Variants in CLMP observed in about 807,000 individuals in gnomAD.
CLMP encodes the protein CXADR like cell adhesion molecule, also known as CXADR-like membrane protein.
CLMP carries 27 observed loss-of-function variants against 45.2 expected under a neutral mutation model. The observed-to-expected ratio is 0.60, with a 90% CI of 0.44 to 0.82. CLMP has a LOEUF of 0.82. CLMP is among the 40% of genes least tolerant of loss of function. The pLI is 0.00. For missense variants in CLMP, 403 were observed against 448.4 expected, an observed-to-expected ratio of 0.90 and a Z score of 0.91; for synonymous variants, 167 against 171.4, an observed-to-expected ratio of 0.97 and a Z score of 0.20.
rs1555084608 is a variant in CLMP, at chr11:123,150,535, AC to A, written c.28+44377del. ...AGGAAGGAAGGAAGGAAGGAAAGAAACAAGCAAGGAAGGAAGGAAGGAAGGA... is the reference window on the plus strand; with the variant it reads ...AGGAAGGAAGGAAGGAAGGAAAGAAAAAGCAAGGAAGGAAGGAAGGAAGGA... On this transcript the variant is annotated intron_variant, in intron 1 of 6. Transcript: ENST00000448775. 2.1e-4 allele frequency among the ~76,000 whole-genome samples: 20 copies of A among 97,384 alleles called. 1 individual carries two copies. Among genetic ancestry groups the A allele is most frequent in the African/African-American group, 8.4e-4 (19 of 22,610 alleles). The allele number at this position is 97,384 out of a possible 152,430, so 63.9% of individuals were successfully genotyped here.
At chr11:123,134,272 T>G (rs563963163) in intron 1 of CLMP, among the ~76,000 whole-genome samples, 1 of 150,086 alleles carries the variant, frequency 6.7e-6, no homozygotes, top group Admixed American at 6.6e-5. Flanking sequence ...AAAAAAAAAG[T>G]ATGCTTTTCT....
At chr11:123,164,696 C>T (rs1414730151) in intron 1 of CLMP, among the ~76,000 whole-genome samples, 1 of 151,948 alleles carries the variant, frequency 6.6e-6, no homozygotes, top group African/African-American at 2.4e-5. Context: ...TAGCACACAA[C>T]ATTGTACTTG....
chr11:123,177,813 T>C (rs1193962545), intron 1 of CLMP, among the ~76,000 whole-genome samples: 2 of 152,212 alleles, frequency 1.3e-5, no homozygotes, highest in African/African-American at 4.8e-5. Context: ...TCATTGTATG[T>C]TAATTATATC....
At chr11:123,150,480 AAAGGAAGGAAGGAAGG>A (rs71057397) in intron 1 of CLMP, among the ~76,000 whole-genome samples, 5 of 40,988 alleles carry the variant, frequency 1.2e-4, no homozygotes, top group East Asian at 5.9e-4. Context: ...AGAAAGAAAG[AAAGGAAGGAAGGAAGG>A]AAGGAAGGAA....
chr11:123,100,261 A>T (rs752928522), intron 1 of CLMP, among the ~76,000 whole-genome samples: 12 of 151,942 alleles, frequency 7.9e-5, no homozygotes, highest in Non-Finnish European at 1.6e-4. Flanking sequence ...GGTGCCTGTA[A>T]TCCCAGCTAC....
At chr11:123,120,519 C>A (rs546085230) in intron 1 of CLMP, among the ~76,000 whole-genome samples, 4 of 152,130 alleles carry the variant, frequency 2.6e-5, no homozygotes, top group African/African-American at 9.6e-5. Flanking sequence ...TGGGCAAGTT[C>A]TTTATCCTCT....
intron 1 of CLMP, among the ~76,000 whole-genome samples, chr11:123,184,022 C>T (rs1019300882): frequency 6.6e-6 from 1 of 152,164 alleles, no homozygotes; most frequent in African/African-American, 2.4e-5. Flanking sequence ...TGTCATCTGT[C>T]TCATAATGTT....
chr11:123,167,585 G>A (rs556499563), intron 1 of CLMP, among the ~76,000 whole-genome samples: 3 of 151,896 alleles, frequency 2.0e-5, no homozygotes, highest in Non-Finnish European at 2.9e-5. Context: ...ACGCCCCGCC[G>A]AAAGACAGAT....
chr11:123,109,670 CA>C (rs1860611361), intron 1 of CLMP, among the ~76,000 whole-genome samples: 1 of 152,130 alleles, frequency 6.6e-6, no homozygotes, highest in African/African-American at 2.4e-5. Flanking sequence ...TGAATGGAAG[CA>C]AATGTTAAAG....
At chr11:123,159,614 A>T (rs1216448062) in intron 1 of CLMP, among the ~76,000 whole-genome samples, 1 of 152,180 alleles carries the variant, frequency 6.6e-6, no homozygotes, top group Non-Finnish European at 1.5e-5. Flanking sequence ...ATTATCTCAC[A>T]CTTAACAGAA....
Position 123,126,692 on chromosome 11 carries a change from T to C in CLMP, c.29-28740A>G, listed in dbSNP as rs920651798. ...GTGGGTGGATCACAAGGTCAGAAGA[T>C]CGAGACCATCCTGGCAAACACGGTG... On this transcript the variant is annotated intron_variant, in intron 1 of 6. Transcript: ENST00000448775. Among the ~76,000 whole-genome samples the C allele has an allele frequency of 3.3e-5, 5 of 152,090 alleles. No homozygotes were observed. In the East Asian group the frequency reaches 9.6e-4, roughly 29 times the overall value.
At chr11:123,106,660 C>T (rs1044721237) in intron 1 of CLMP, among the ~76,000 whole-genome samples, 3 of 152,086 alleles carry the variant, frequency 2.0e-5, no homozygotes, top group African/African-American at 7.2e-5. Context: ...ACATATGATG[C>T]ATGAAAGTGT....
chr11:123,106,389 G>GTA, intron 1 of CLMP, among the ~76,000 whole-genome samples: 1 of 82,138 alleles, frequency 1.2e-5, no homozygotes, highest in Non-Finnish European at 2.4e-5. Flanking sequence ...GGAGGTGTGT[G>GTA]TGTGTGTGTG....
chr11:123,178,084 C>T (rs184695875), intron 1 of CLMP, among the ~76,000 whole-genome samples: 1 of 152,152 alleles, frequency 6.6e-6, no homozygotes, highest in Non-Finnish European at 1.5e-5. Flanking sequence ...AGGCTGGTCT[C>T]GAACTCCTGA....
chr11:123,072,287 T>C lies in CLMP; in HGVS notation c.*1187A>G, dbSNP rs1865680721. Reference sequence around the variant, plus strand: ...GGAAGTTCCAAGTGTGGTACAATACTGAACTTCCTTTTATCCTTCCTTGAT... The same window carrying C: ...GGAAGTTCCAAGTGTGGTACAATACCGAACTTCCTTTTATCCTTCCTTGAT... On this transcript the variant is annotated 3_prime_UTR_variant, in exon 7 of 7. Coordinates refer to ENST00000448775, the MANE Select transcript of CLMP (RefSeq NM_024769.5). The C allele has an allele frequency of 1.3e-5, 2 of 151,954 alleles. No homozygotes were observed. The highest frequency in any genetic ancestry group is 4.8e-5 in the African/African-American group (2 of 41,390). The allele number at this position is 151,954 out of a possible 1,614,324, so 9.4% of individuals were successfully genotyped here.
chr11:123,144,749 G>A (rs1054230006), intron 1 of CLMP, among the ~76,000 whole-genome samples: 6 of 152,172 alleles, frequency 3.9e-5, no homozygotes, highest in Admixed American at 3.9e-4. Flanking sequence ...GTCATATAAA[G>A]CAGTAGACAG....
intron 1 of CLMP, among the ~76,000 whole-genome samples, chr11:123,141,429 C>T (rs922956152): frequency 6.6e-6 from 1 of 152,036 alleles, no homozygotes; most frequent in African/African-American, 2.4e-5. Context: ...CGTGATCCAC[C>T]CGCCTTGGCC....
At chr11:123,150,522 A>AGGAAGGAG in intron 1 of CLMP, among the ~76,000 whole-genome samples, 1 of 131,064 alleles carries the variant, frequency 7.6e-6, no homozygotes, top group Non-Finnish European at 1.6e-5. Flanking sequence ...GAAGGAAGGA[A>AGGAAGGAG]GGAAGGAAAG....
At chr11:123,120,027 A>T (rs552730084) in intron 1 of CLMP, among the ~76,000 whole-genome samples, 1 of 152,126 alleles carries the variant, frequency 6.6e-6, no homozygotes, top group South Asian at 2.1e-4. Context: ...AAATTTTACT[A>T]TGATGGGTTT....
Sources: gnomAD v4.1 joint callset for allele counts (sites outside exome capture counted in the v4.1 genomes callset) on GRCh38, gnomAD v4.1.1 for gene constraint, MANE v1.5 for transcripts, NCBI Gene and HGNC (gene_info 2026-07-23, HGNC 2026-07-21) for gene names.